CPNE9: variants seen among roughly 807,000 people sequenced by gnomAD.
CPNE9 encodes copine-9.
Under a neutral mutation model 83.0 loss-of-function variants are expected in CPNE9, and 59 were observed. The ratio of observed to expected loss-of-function variants is 0.71; its 90% CI spans 0.58 to 0.88. The LOEUF is 0.88. Among genes scored for constraint, CPNE9 ranks in the 40% least tolerant of loss-of-function variants. The pLI, the probability that CPNE9 is intolerant of heterozygous loss-of-function variation, is 0.00. For synonymous variants in CPNE9, 256 were observed against 273.4 expected (o/e 0.94, Z 0.63); for missense variants, 619 against 720.8 (o/e 0.86, Z 1.62).
chr3:9,710,762 C>T (rs1575120033), intron 7 of CPNE9, among the ~76,000 whole-genome samples: 2 of 152,166 alleles, frequency 1.3e-5, no homozygotes, highest in South Asian at 2.1e-4. Context: ...CAGTGGCTCA[C>T]GCCTGTAATC....
chr3:9,715,188 A>C (rs2076669745), intron 11 of CPNE9, 101 bp from the exon 12 acceptor site: 2 of 1,331,618 alleles, frequency 1.5e-6, no homozygotes, highest in Non-Finnish European at 2.1e-6. Flanking sequence ...GCTGCCCTGC[A>C]GCCTAAGTAG....
chr3:9,720,599 T>C (rs969295614), intron 17 of CPNE9, among the ~76,000 whole-genome samples: 3 of 152,254 alleles, frequency 2.0e-5, no homozygotes, highest in Non-Finnish European at 4.4e-5. Context: ...ATACTGCCCA[T>C]GGAATGTGGA....
chr3:9,717,969 G>A (rs1003328290), intron 15 of CPNE9, 60 bp from the exon 16 acceptor site: 3 of 1,427,196 alleles, frequency 2.1e-6, no homozygotes, highest in Admixed American at 2.0e-5. Context: ...ACAAAGATAA[G>A]CAGGTGAACA....
At chr3:9,726,991 T>C in intron 19 of CPNE9, 122 bp from the exon 20 acceptor site, 1 of 1,022,602 alleles carries the variant, frequency 9.8e-7, no homozygotes, top group Non-Finnish European at 1.5e-6. Flanking sequence ...CTGATATTTG[T>C]AGGACTTGAT....
rs759743369 is a variant in CPNE9, at chr3:9,712,996, A to T, written c.567A>T (p.Thr189=). The change falls in exon 10 of 21, where the codon ACA becomes ACT. Residue 189 remains threonine, a synonymous_variant. Coordinates refer to ENST00000383832, the MANE Select transcript of CPNE9 (RefSeq NM_153635.3). ...CCAGGTTCACCATCTGCCACAAGAC[A>T]GAGGTTGTGAAAAACACGCTGAATC... ...EDGTFTICHK[T]EVVKNTLNPV... 4 of 1,614,216 alleles carry T rather than the reference A, an allele frequency of 2.5e-6. No individual in the cohort carries two copies. The highest frequency in any genetic ancestry group is 1.7e-6 in the Non-Finnish European group (2 of 1,180,018).
rs56320778 is a variant in CPNE9 at position 9,724,719 on chromosome 3, CCTATCTATCTATCTATCTAT to C, written c.1242-1195_1242-1176del. Among the ~76,000 whole-genome samples, 769 of 146,932 alleles carry C rather than the reference CCTATCTATCTATCTATCTAT, an allele frequency of 5.2e-3. 8 individuals carry two copies. Among genetic ancestry groups the C allele is most frequent in the Middle Eastern group, 0.024 (7 of 286 alleles). ...CTTACCTGCTGGGTCACATCAGGAT[CCTATCTATCTATCTATCTAT>C]CTATCTATCTATCTATCTATCTATC... On this transcript the variant is annotated intron_variant, in intron 17 of 20. Transcript: ENST00000383832.
chr3:9,709,150 C>G (rs1315704881), intron 7 of CPNE9, among the ~76,000 whole-genome samples: 1 of 149,634 alleles, frequency 6.7e-6, no homozygotes, highest in Non-Finnish European at 1.5e-5. Context: ...GTGGCGCACG[C>G]TTGTAATCCC....
rs73113532 is a variant in CPNE9, at chr3:9,721,744, G to A, written c.1241+3142G>A. Among the ~76,000 whole-genome samples the A allele has an allele frequency of 3.3e-3, 505 of 152,302 alleles. 4 individuals carry two copies. Among genetic ancestry groups the A allele is most frequent in the African/African-American group, 0.012 (494 of 41,566 alleles). ...ATGACTAGAGTGCGCACTGTGTACAGAGGACTATCCAGATAATGGACTGGG... is the reference window on the plus strand; with the variant it reads ...ATGACTAGAGTGCGCACTGTGTACAAAGGACTATCCAGATAATGGACTGGG... On this transcript the variant is annotated intron_variant, in intron 17 of 20. Coordinates refer to ENST00000383832, the MANE Select transcript of CPNE9 (RefSeq NM_153635.3).
chr3:9,706,557 A>C (rs2076566647), intron 7 of CPNE9, among the ~76,000 whole-genome samples: 1 of 152,236 alleles, frequency 6.6e-6, no homozygotes, highest in South Asian at 2.1e-4. Flanking sequence ...TGGTGAACAA[A>C]ACAAAGGTTC....
At position 9,725,759 on chromosome 3, in the gene CPNE9, A is replaced by G. The variant is rs536900876; in HGVS notation, c.1242-190A>G. ...CATATATATGTATATATGTGTGTGT[A>G]TATATATGGATATATACACATATAT... is the stretch of plus-strand genomic sequence containing the variant. On this transcript the variant is annotated intron_variant, in intron 17 of 20. Transcript: ENST00000383832. 2.2e-4 allele frequency among the ~76,000 whole-genome samples: 33 copies of G among 149,338 alleles called. No homozygotes were observed. In the South Asian group the frequency reaches 3.1e-3, roughly 14 times the overall value.
chr3:9,712,853 T>A, intron 9 of CPNE9, 25 bp downstream of exon 9: 1 of 1,602,500 alleles, frequency 6.2e-7, no homozygotes, highest in Non-Finnish European at 8.5e-7. Flanking sequence ...TCAGGGCTGT[T>A]AGGCTGGGGT....
intron 20 of CPNE9, 125 bp downstream of exon 20, chr3:9,727,311 T>C: frequency 9.7e-7 from 1 of 1,031,680 alleles, no homozygotes; most frequent in Non-Finnish European, 1.5e-6. Flanking sequence ...CTTTCATCCT[T>C]TCTCATTCAT....
chr3:9,709,729 T>C (rs1214085787), intron 7 of CPNE9, among the ~76,000 whole-genome samples: 1 of 151,886 alleles, frequency 6.6e-6, no homozygotes, highest in Non-Finnish European at 1.5e-5. Context: ...TCCGAGCACT[T>C]TAGGAGGCCG....
At chr3:9,721,667 T>C (rs980413762) in intron 17 of CPNE9, among the ~76,000 whole-genome samples, 20 of 152,088 alleles carry the variant, frequency 1.3e-4, no homozygotes, top group Admixed American at 9.8e-4. Flanking sequence ...GAATGGCATA[T>C]GAAAAACAGA....
At chr3:9,713,868 G>A (rs879632055) in intron 10 of CPNE9, among the ~76,000 whole-genome samples, 6 of 151,852 alleles carry the variant, frequency 4.0e-5, no homozygotes, top group African/African-American at 9.7e-5. Context: ...TCAGGAGATC[G>A]AGACCATCCT....
intron 14 of CPNE9, among the ~76,000 whole-genome samples, chr3:9,716,518 T>C (rs925133834): frequency 2.6e-5 from 4 of 152,064 alleles, no homozygotes; most frequent in Admixed American, 6.5e-5. Context: ...TTGCCCAGGC[T>C]GAAGTGCAAT....
chr3:9,711,487 G>T (rs1397257512), intron 7 of CPNE9, among the ~76,000 whole-genome samples: 1 of 152,164 alleles, frequency 6.6e-6, no homozygotes, highest in Non-Finnish European at 1.5e-5. Flanking sequence ...AAAGTGCTGG[G>T]ATTATAGGCG....
chr3:9,704,572 G>A lies in CPNE9; in HGVS notation c.69-15G>A, dbSNP rs201088175. On this transcript the variant is annotated splice_polypyrimidine_tract_variant and intron_variant, in intron 1 of 20. Coordinates refer to ENST00000383832, the MANE Select transcript of CPNE9 (RefSeq NM_153635.3). The surrounding 1 kb of genome is among the most constrained non-coding windows in gnomAD (Gnocchi z 7.1). ...CCAGGATGATCCACTCTGTCTGTCTGTTGCTTTTCTCTAGGAACCTGCTAG... is the reference window on the plus strand; with the variant it reads ...CCAGGATGATCCACTCTGTCTGTCTATTGCTTTTCTCTAGGAACCTGCTAG... The A allele has an allele frequency of 9.8e-3, 15,818 of 1,611,620 alleles. 92 individuals carry two copies. The highest frequency in any genetic ancestry group is 0.011 in the Non-Finnish European group (13,423 of 1,177,720).
At chr3:9,706,454 C>T (rs1358714581) in intron 7 of CPNE9, among the ~76,000 whole-genome samples, 3 of 152,144 alleles carry the variant, frequency 2.0e-5, no homozygotes, top group African/African-American at 4.8e-5. Context: ...TTATATCCCA[C>T]ACCCTGTTCT....
Sources: gnomAD v4.1 joint callset for allele counts (sites outside exome capture counted in the v4.1 genomes callset) on GRCh38, gnomAD v4.1.1 for gene constraint, Gnocchi (gnomAD v3.1) non-coding constraint, MANE v1.5 for transcripts, NCBI Gene and HGNC (gene_info 2026-07-23, HGNC 2026-07-21) for gene names.